Variants in USP42 observed in about 807,000 individuals in gnomAD.
USP42 encodes the protein ubiquitin specific peptidase 42.
Under a neutral mutation model 113.0 loss-of-function variants are expected in USP42, and 23 were observed. The ratio of observed to expected loss-of-function variants is 0.20; its 90% CI spans 0.15 to 0.29. The LOEUF is 0.29. Among genes scored for constraint, USP42 ranks in the 10% least tolerant of loss-of-function variants. USP42 has a pLI of 1.00. For missense variants in USP42, 2,174 were observed against 1,779.8 expected (o/e 1.22, Z -3.99); for synonymous variants, 933 against 699.0 (o/e 1.33, Z -5.28).
rs1304003116 is a variant in USP42 at position 6,158,725 on chromosome 7, G to A, written c.3944-725G>A. Reference sequence around the variant, plus strand: ...ATTGGTTTTGCGTTCCCATTTCAGCGAATCGGGGAAGGAGATTCGTGAGGG... The same window carrying A: ...ATTGGTTTTGCGTTCCCATTTCAGCAAATCGGGGAAGGAGATTCGTGAGGG... On this transcript the variant is annotated intron_variant, in intron 16 of 17. Transcript: ENST00000306177. The surrounding 1 kb of genome is among the most constrained non-coding windows in gnomAD (Gnocchi z 4.2). Among the ~76,000 whole-genome samples, 2 of 152,176 alleles carry A rather than the reference G, an allele frequency of 1.3e-5. No homozygotes were observed. Among genetic ancestry groups the A allele is most frequent in the African/African-American group, 2.4e-5 (1 of 41,436 alleles).
At chr7:6,104,296 C>T (rs377160611), upstream of USP42, among the ~76,000 whole-genome samples, 3 of 146,814 alleles carry the variant, frequency 2.0e-5, no homozygotes, top group African/African-American at 8.3e-5. Context: ...GCTGGCCAGG[C>T]TAGTCTCGAA....
At position 6,118,395 on chromosome 7, in the gene USP42, G is replaced by A. The variant is rs1167523428; in HGVS notation, c.442+2872G>A. On this transcript the variant is annotated intron_variant, in intron 3 of 17. Transcript: ENST00000306177. The stretch of plus-strand genomic sequence containing the variant: ...AAATTATCTGGGCTTGGCGGTGTGC[G>A]CCTATAGTCCCAGCTACTTGGGAGA... Among the ~76,000 whole-genome samples the A allele has an allele frequency of 2.6e-5, 4 of 152,100 alleles. No individual in the cohort carries two copies. The South Asian group carries it at 6.2e-4, about 24-fold the overall frequency.
At chr7:6,101,098 T>G (rs1364029171), upstream of USP42, among the ~76,000 whole-genome samples, 1 of 150,674 alleles carries the variant, frequency 6.6e-6, no homozygotes, top group Non-Finnish European at 1.5e-5. Flanking sequence ...GAAAGGGCAG[T>G]GAAAGGAGTG....
At chr7:6,145,975 C>T (rs1411481467) in intron 10 of USP42, among the ~76,000 whole-genome samples, 173 bp from the exon 11 acceptor site, 2 of 152,098 alleles carry the variant, frequency 1.3e-5, no homozygotes, top group African/African-American at 4.8e-5. Flanking sequence ...GAGGCTGAGG[C>T]AGGAGAATCG....
chr7:6,110,733 T>C (rs1779556894), intron 1 of USP42, among the ~76,000 whole-genome samples: 1 of 152,370 alleles, frequency 6.6e-6, no homozygotes, highest in South Asian at 2.1e-4. Flanking sequence ...TAGTCAAATG[T>C]ATTACTGTGT....
chr7:6,146,364 A>G, intron 11 of USP42, 116 bp downstream of exon 11: 2 of 722,112 alleles, frequency 2.8e-6, no homozygotes, highest in Non-Finnish European at 4.4e-6. Flanking sequence ...CCAGCAGCTT[A>G]AAGATCAACT....
intron 3 of USP42, among the ~76,000 whole-genome samples, chr7:6,122,786 T>G: frequency 6.6e-6 from 1 of 151,536 alleles, no homozygotes; most frequent in South Asian, 2.1e-4. Flanking sequence ...TTTTTTTAAA[T>G]AGAGATAGGG....
chr7:6,137,685 T>G (rs1781220953), intron 4 of USP42, among the ~76,000 whole-genome samples: 1 of 151,640 alleles, frequency 6.6e-6, no homozygotes, highest in Non-Finnish European at 1.5e-5. Flanking sequence ...TTTGTTTTTA[T>G]TCATTTATTT....
chr7:6,117,168 C>G (rs1314439847), intron 3 of USP42, among the ~76,000 whole-genome samples: 1 of 152,086 alleles, frequency 6.6e-6, no homozygotes, highest in Non-Finnish European at 1.5e-5. Flanking sequence ...CAAAAGTTCC[C>G]CGATGCCCCT....
the USP42 span, among the ~76,000 whole-genome samples, chr7:6,087,340 C>CTTTTTTT: frequency 8.6e-6 from 1 of 116,506 alleles, no homozygotes; most frequent in Non-Finnish European, 1.8e-5. Context: ...CTAAGCGCTT[C>CTTTTTTT]TTTTTTTTTT....
intron 3 of USP42, among the ~76,000 whole-genome samples, chr7:6,119,849 A>C (rs1365022965): frequency 6.6e-6 from 1 of 152,238 alleles, no homozygotes; most frequent in South Asian, 2.1e-4. Flanking sequence ...GACTACAGGC[A>C]TGTGCTACAA....
At chr7:6,089,740 T>C in the USP42 span, among the ~76,000 whole-genome samples, 1,251 of 149,080 alleles carry the variant, frequency 8.4e-3, 83 homozygotes, top group African/African-American at 0.03. Flanking sequence ...ACCATGTTGG[T>C]CAGGCTGTTC....
Position 6,154,947 on chromosome 7 carries a change from C to A in USP42, c.3393C>A (p.Arg1131=). Residue 1131 remains arginine (R), a synonymous_variant, in exon 15 of 18, where the codon CGC becomes CGA. Transcript: ENST00000306177. The part of the protein sequence containing the change: ...APHALAPHPD[R]FSHDRTALVA... Reference sequence around the variant, plus strand: ...ACGCCCTCGCCCCGCACCCCGACCGCTTCTCCCACGACAGAACTGCACTTG... The same window carrying A: ...ACGCCCTCGCCCCGCACCCCGACCGATTCTCCCACGACAGAACTGCACTTG... 6.4e-7 allele frequency: 1 copy of A among 1,554,766 alleles called. No homozygotes were observed. Among genetic ancestry groups the A allele is most frequent in the Non-Finnish European group, 8.7e-7 (1 of 1,148,774 alleles).
In USP42 at chr7:6,112,547, T is replaced by C. The variant is rs80116890; in HGVS notation, c.241+1173T>C. 6.1e-3 allele frequency among the ~76,000 whole-genome samples: 936 copies of C among 152,322 alleles called. 6 individuals are homozygous for C. The highest frequency in any genetic ancestry group is 0.022 in the African/African-American group (898 of 41,566). ...TTACATTCGTTAAAACTCATCCAGA[T>C]AAATGAGACAGTAACACTTTAAGTT... On this transcript the variant is annotated intron_variant, in intron 2 of 17. Coordinates refer to ENST00000306177, the MANE Select transcript of USP42 (RefSeq NM_032172.3).
Position 6,158,793 on chromosome 7 carries a change from A to G in USP42, c.3944-657A>G, listed in dbSNP as rs1782608237. ...ATCCGAGGATGCAGTGGATGGGCTC[A>G]TTCTGAGTGTGGTGCAGGCTCCCAG... On this transcript the variant is annotated intron_variant, in intron 16 of 17. Transcript: ENST00000306177. The surrounding 1 kb of genome is among the most constrained non-coding windows in gnomAD (Gnocchi z 4.2). Among the ~76,000 whole-genome samples the G allele has an allele frequency of 6.6e-6, 1 of 152,158 alleles. No homozygotes were observed. The highest frequency in any genetic ancestry group is 1.5e-5 in the Non-Finnish European group (1 of 68,038).
chr7:6,154,151 C>G lies in USP42; in HGVS notation c.2597C>G (p.Pro866Arg). Residue 866 changes from proline to arginine, a missense_variant, in exon 15 of 18, where the codon CCC (proline) becomes CGC (arginine). Coordinates refer to ENST00000306177, the MANE Select transcript of USP42 (RefSeq NM_032172.3). ...SPAPPARSEE[P>R]CEQPLLVHPS... ...GCTCCGCCTGCGCGGTCGGAGGAGCCCTGCGAGCAGCCACTCCTTGTTCAC... is the reference window on the plus strand; with the variant it reads ...GCTCCGCCTGCGCGGTCGGAGGAGCGCTGCGAGCAGCCACTCCTTGTTCAC... 6.3e-7 allele frequency: 1 copy of G among 1,594,848 alleles called. No individual in the cohort carries two copies. Among genetic ancestry groups the G allele is most frequent in the Non-Finnish European group, 8.5e-7 (1 of 1,171,714 alleles).
Position 6,161,153 on chromosome 7 carries a change from T to C in USP42, c.*635T>C, listed in dbSNP as rs1422031945. On this transcript the variant is annotated 3_prime_UTR_variant, in exon 18 of 18. Coordinates refer to ENST00000306177, the MANE Select transcript of USP42 (RefSeq NM_032172.3). ...CCAGTTATGATGAGTATTTACATTA[T>C]GAATGTATAACCCAGACATGATTTG... The C allele has an allele frequency of 1.3e-5, 2 of 152,680 alleles. No individual in the cohort carries two copies. The highest frequency in any genetic ancestry group is 2.9e-5 in the Non-Finnish European group (2 of 68,038). The allele number at this position is 152,680 out of a possible 1,614,324, so 9.5% of individuals were successfully genotyped here.
the USP42 span, among the ~76,000 whole-genome samples, chr7:6,082,413 C>A: frequency 6.6e-6 from 1 of 151,668 alleles, no homozygotes; most frequent in East Asian, 1.9e-4. Flanking sequence ...CAGGCGTGAG[C>A]CACCGCGCCC....
the USP42 span, among the ~76,000 whole-genome samples, chr7:6,097,826 G>A: frequency 9.3e-5 from 14 of 149,786 alleles, no homozygotes; most frequent in Non-Finnish European, 1.8e-4. Context: ...TCCTGACCTC[G>A]TGATCCGCCC....
Sources: allele counts gnomAD v4.1 joint callset (sites outside exome capture counted in the v4.1 genomes callset), GRCh38; gene constraint gnomAD v4.1.1; non-coding constraint Gnocchi (gnomAD v3.1); transcripts MANE v1.5; gene names NCBI Gene and HGNC (gene_info 2026-07-23, HGNC 2026-07-21).